The following CROCC2 variants were observed in gnomAD, a reference collection of about 807,000 sequenced individuals.
CROCC2 encodes ciliary rootlet coiled-coil, rootletin family member 2, also known as ciliary rootlet coiled-coil protein 2.
CROCC2 carries 163 observed loss-of-function variants against 177.6 expected under a neutral mutation model. The observed-to-expected ratio is 0.92, with a 90% CI of 0.81 to 1.05. The LOEUF is 1.05. Ranked by LOEUF, CROCC2 falls within the 50% of genes least tolerant of loss-of-function variation. The pLI is 0.00. For missense variants in CROCC2, 1,929 were observed against 1,797.8 expected (o/e 1.07, Z -1.32); for synonymous variants, 904 against 787.3 (o/e 1.15, Z -2.48).
chr2:240,964,369 G>A (rs2059662640), intron 21 of CROCC2, 97 bp from the exon 22 acceptor site: 1 of 1,413,458 alleles, frequency 7.1e-7, no homozygotes, highest in South Asian at 1.3e-5. Context: ...GTCAAGACTG[G>A]GGCCAGTGCC....
intron 1 of CROCC2, among the ~76,000 whole-genome samples, chr2:240,907,098 G>A (rs2059260062): frequency 6.6e-6 from 1 of 152,174 alleles, no homozygotes; most frequent in Non-Finnish European, 1.5e-5. Context: ...TGACATTCTG[G>A]GACCTCGTTC....
At chr2:240,943,054 C>CT (rs1490359813) in intron 14 of CROCC2, among the ~76,000 whole-genome samples, 10 of 152,156 alleles carry the variant, frequency 6.6e-5, no homozygotes, top group Non-Finnish European at 1.5e-4. Context: ...GTTGCCCAGG[C>CT]TGGAGTGCAG....
chr2:240,930,218 A>G lies in CROCC2; in HGVS notation c.698A>G (p.Gln233Arg). Residue 233 changes from glutamine (Q) to arginine (R), a missense_variant, in exon 6 of 32, where the codon CAG becomes CGG. Transcript: ENST00000690015. ...QPRDLLLLWRQAVVLGTDLAE... is the reference protein window; with the variant it reads ...QPRDLLLLWRRAVVLGTDLAE... The stretch of plus-strand genomic sequence containing the variant: ...CGGGACCTCCTCCTCCTGTGGAGAC[A>G]GGCCGTGGTGCTGGGGACAGACCTG... The G allele has an allele frequency of 1.7e-6, 1 of 597,102 alleles. No individual in the cohort carries two copies. The highest frequency in any genetic ancestry group is 3.1e-6 in the Non-Finnish European group (1 of 325,568). 37.0% of individuals were successfully genotyped at this position (597,102 alleles called of 1,614,324 possible).
chr2:240,965,660 G>A lies in CROCC2; in HGVS notation c.3628G>A (p.Ala1210Thr). The change falls in exon 24 of 32, where the codon GCA (alanine) becomes ACA (threonine). Residue 1210 changes from alanine to threonine, a missense_variant. Physicochemically the swap from Ala to Thr is moderately conservative, Grantham distance 58. Around this residue, in one of 3 missense-constraint regions of CROCC2, gnomAD observed 144 missense variants for 205.2 expected, o/e 0.70. Coordinates refer to ENST00000690015, the MANE Select transcript of CROCC2 (RefSeq NM_001351305.2). Reference protein sequence around the residue: ...KEVLGLQRKLAEVEAAGEAHG... With the variant: ...KEVLGLQRKLTEVEAAGEAHG... ...GGTCCTGGGATTGCAGAGGAAGTTGGCAGAGGTGGAGGCCGCAGGGGAGGC... is the reference window on the plus strand; with the variant it reads ...GGTCCTGGGATTGCAGAGGAAGTTGACAGAGGTGGAGGCCGCAGGGGAGGC... The A allele has an allele frequency of 6.4e-7, 1 of 1,550,682 alleles. No homozygotes were observed. Among genetic ancestry groups the A allele is most frequent in the Non-Finnish European group, 8.7e-7 (1 of 1,146,996 alleles).
chr2:240,951,469 C>A (rs752398400), intron 18 of CROCC2, among the ~76,000 whole-genome samples: 28 of 152,336 alleles, frequency 1.8e-4, no homozygotes, highest in Non-Finnish European at 3.4e-4. Context: ...CCTCCACACA[C>A]TTGTCATCAT....
chr2:240,940,629 T>A (rs1375399967), intron 14 of CROCC2, among the ~76,000 whole-genome samples: 6 of 61,218 alleles, frequency 9.8e-5, no homozygotes, highest in South Asian at 1.3e-3. Flanking sequence ...AGAAAAAGCG[T>A]TTGACAAAAT....
intron 10 of CROCC2, 121 bp downstream of exon 10, chr2:240,933,463 T>TGA: frequency 8.5e-7 from 1 of 1,180,810 alleles, no homozygotes; most frequent in Non-Finnish European, 1.2e-6. Context: ...GAGGGGTCCT[T>TGA]GCCTTCTAGC....
At chr2:240,914,321 G>C (rs2059305235) in intron 1 of CROCC2, among the ~76,000 whole-genome samples, 1 of 152,256 alleles carries the variant, frequency 6.6e-6, no homozygotes, top group Admixed American at 6.5e-5. Context: ...GCGGAGGCCA[G>C]AAGCCTCCAA....
chr2:240,934,988 T>C lies in CROCC2; in HGVS notation c.1864T>C (p.Ser622Pro), dbSNP rs1247143230. The change falls in exon 13 of 32, where the codon TCC becomes CCC. Residue 622 changes from serine to proline, a missense_variant. By Grantham distance (74) the Ser-to-Pro change is moderately conservative (BLOSUM62 -1). Transcript: ENST00000690015. Reference sequence around the variant, plus strand: ...GTCGGAGGGAGTGGAGCAAAGGGACTCCCTGGCCGCAATGGCCGCCTTGAT... The same window carrying C: ...GTCGGAGGGAGTGGAGCAAAGGGACCCCCTGGCCGCAATGGCCGCCTTGAT... ...LKSEGVEQRD[S>P]LAAMAALMEG... The C allele has an allele frequency of 4.1e-6, 6 of 1,461,220 alleles. No individual in the cohort carries two copies. In the African/African-American group the frequency reaches 4.4e-5, roughly 11 times the overall value. The allele number at this position is 1,461,220 out of a possible 1,614,324, so 90.5% of individuals were successfully genotyped here.
intron 28 of CROCC2, among the ~76,000 whole-genome samples, chr2:240,986,421 C>G (rs527658988): frequency 1.3e-5 from 2 of 152,274 alleles, no homozygotes; most frequent in African/African-American, 4.8e-5. Flanking sequence ...CTCCTGCCAC[C>G]CTTGCTCATG....
intron 28 of CROCC2, among the ~76,000 whole-genome samples, chr2:240,988,323 T>G (rs953056890): frequency 6.6e-6 from 1 of 152,154 alleles, no homozygotes; most frequent in East Asian, 1.9e-4. Context: ...CTGTACGAGC[T>G]CAGCAGATCC....
At chr2:240,981,040 G>C (rs1235538826) in intron 27 of CROCC2, among the ~76,000 whole-genome samples, 1 of 112,642 alleles carries the variant, frequency 8.9e-6, no homozygotes, top group Admixed American at 9.0e-5. Flanking sequence ...AGGAGCCCAG[G>C]CTCATCCCTG....
intron 30 of CROCC2, 44 bp downstream of exon 30, chr2:240,989,877 G>A: frequency 1.3e-6 from 2 of 1,493,060 alleles, no homozygotes; most frequent in Non-Finnish European, 1.8e-6. Context: ...AAGAGGCAGG[G>A]ACAGAGGACT....
chr2:240,954,802 C>T (rs1400711337), intron 18 of CROCC2: 2 of 152,146 alleles, frequency 1.3e-5, no homozygotes, highest in Non-Finnish European at 2.9e-5. Flanking sequence ...TCAGTAGGAA[C>T]CCACCCTGAG....
rs935090267 is a variant in CROCC2, at chr2:240,935,257, G to A, written c.1939-101G>A. On this transcript the variant is annotated intron_variant, in intron 13 of 31. Coordinates refer to ENST00000690015, the MANE Select transcript of CROCC2 (RefSeq NM_001351305.2). ...GAGAGTGCCCCTGGGCCAGGCCTGA[G>A]GGAGGGAAGACAGTGCCCCGGGGCA... 5.6e-6 allele frequency: 7 copies of A among 1,240,318 alleles called. No homozygotes were observed. The African/African-American group carries it at 1.1e-4, about 20-fold the overall frequency. 76.8% of individuals were successfully genotyped at this position (1,240,318 alleles called of 1,614,324 possible).
intron 5 of CROCC2, among the ~76,000 whole-genome samples, chr2:240,928,420 TTG>T (rs58145871): frequency 0.2 from 29,699 of 147,538 alleles, 3,204 homozygotes; most frequent in African/African-American, 0.27. Flanking sequence ...TGTGCCTGTT[TTG>T]TGTGTGTGTG....
chr2:240,914,085 G>C (rs550854674), intron 1 of CROCC2, among the ~76,000 whole-genome samples: 149 of 152,382 alleles, frequency 9.8e-4, no homozygotes, highest in Non-Finnish European at 1.7e-3. Flanking sequence ...CGGCCCGGAA[G>C]CTGCTTGGTT....
At chr2:240,989,521 T>C in intron 29 of CROCC2, 133 bp from the exon 30 acceptor site, 1 of 845,238 alleles carries the variant, frequency 1.2e-6, no homozygotes. Context: ...TGGGCAGTCC[T>C]GGCCAGGTCA....
intron 18 of CROCC2, 115 bp downstream of exon 18, chr2:240,950,625 A>C: frequency 9.6e-7 from 1 of 1,038,122 alleles, no homozygotes; most frequent in Non-Finnish European, 1.4e-6. Context: ...CCGCCTACCC[A>C]CCCATCCATC....
Sources: gnomAD v4.1 joint callset for allele counts (sites outside exome capture counted in the v4.1 genomes callset) on GRCh38, gnomAD v4.1.1 for gene constraint, gnomAD v4.1.1 regional missense constraint, MANE v1.5 for transcripts, NCBI Gene and HGNC (gene_info 2026-07-23, HGNC 2026-07-21) for gene names.